FOXK1: variants seen among roughly 807,000 people sequenced by gnomAD.
The protein encoded by FOXK1 is forkhead box K1.
Under a neutral mutation model 51.9 loss-of-function variants are expected in FOXK1, and 19 were observed. The ratio of observed to expected loss-of-function variants is 0.37; its 90% confidence interval spans 0.26 to 0.54. The LOEUF (loss-of-function observed/expected upper bound fraction) is 0.54, where lower values mean the gene tolerates loss of function less well. Ranked by LOEUF, FOXK1 falls within the 20% of genes least tolerant of loss-of-function variation. The probability of loss-of-function intolerance (pLI) is 0.87; values close to 1 mark genes in which losing one functional copy is unlikely to be tolerated. For missense variants in FOXK1, 870 were observed against 1,032.7 expected (o/e 0.84, Z 2.16); for synonymous variants, 537 against 482.6 (o/e 1.11, Z -1.48).
At chr7:4,697,852 T>A (rs1411734587) in intron 1 of FOXK1, among the ~76,000 whole-genome samples, 2 of 151,474 alleles carry the variant, frequency 1.3e-5, no homozygotes, top group Non-Finnish European at 2.9e-5. Flanking sequence ...TGAGATGGAG[T>A]CTCGCTCTGT....
chr7:4,746,873 G>C (rs1243375351), intron 2 of FOXK1, among the ~76,000 whole-genome samples: 1 of 152,194 alleles, frequency 6.6e-6, no homozygotes, highest in Admixed American at 6.5e-5. Context: ...TTGTCTGCCT[G>C]TCCCTGTCCC....
In FOXK1 at chr7:4,735,557, CCTTT is replaced by C. The variant is rs1780541878; in HGVS notation, c.561-5278_561-5275del. On this transcript the variant is annotated intron_variant, in intron 1 of 8. Transcript: ENST00000328914. This position sits in a 1 kb window ranked among gnomAD's most constrained non-coding sequence, Gnocchi z 4.7. Reference sequence around the variant, plus strand: ...TCCAGCCCTAGGCAACCACTAAGCTCCTTTCTAAGTCGGGCAAGAATGTTCTGGA... The same window carrying C: ...TCCAGCCCTAGGCAACCACTAAGCTCCTAAGTCGGGCAAGAATGTTCTGGA... Among the ~76,000 whole-genome samples, 1 of 152,144 alleles carries C rather than the reference CCTTT, an allele frequency of 6.6e-6. No homozygotes were observed.
chr7:4,685,307 C>T (rs865929628), intron 1 of FOXK1, among the ~76,000 whole-genome samples: 18 of 149,924 alleles, frequency 1.2e-4, no homozygotes, highest in Non-Finnish European at 2.5e-4. Context: ...CTCTACCTCC[C>T]GGGTTCAAGA....
chr7:4,751,272 GGTAAT>G, intron 2 of FOXK1, among the ~76,000 whole-genome samples: 1 of 150,658 alleles, frequency 6.6e-6, no homozygotes, highest in East Asian at 2.0e-4. Flanking sequence ...ACCCTCCTCG[GGTAAT>G]CCCAAAAGCA....
At chr7:4,726,471 A>AG (rs1347358311) in intron 1 of FOXK1, among the ~76,000 whole-genome samples, 1 of 152,162 alleles carries the variant, frequency 6.6e-6, no homozygotes, top group Admixed American at 6.5e-5. Flanking sequence ...AATACAAAAA[A>AG]GTTAGCCGGG....
Position 4,761,872 on chromosome 7 carries a change from T to A in FOXK1, c.1922-312T>A, listed in dbSNP as rs950554285. On this transcript the variant is annotated intron_variant, in intron 8 of 8. Transcript: ENST00000328914. This position sits in a 1 kb window ranked among gnomAD's most constrained non-coding sequence, Gnocchi z 6.2. ...GCAGGGTACCAGGGCACCGGGCGCA[T>A]TGTCAGTGGGGTGGCTCAGGGCAGT... Among the ~76,000 whole-genome samples, 9 of 151,658 alleles carry A rather than the reference T, an allele frequency of 5.9e-5. No homozygotes were observed. The highest frequency in any genetic ancestry group is 1.2e-4 in the Non-Finnish European group (8 of 67,918).
chr7:4,757,355 C>T (rs1004729252), intron 5 of FOXK1, among the ~76,000 whole-genome samples, 168 bp downstream of exon 5: 4 of 152,012 alleles, frequency 2.6e-5, no homozygotes, highest in East Asian at 1.9e-4. Flanking sequence ...AAGGCCGGCG[C>T]GGTGGCTCAC....
At chr7:4,704,690 C>T (rs560625798) in intron 1 of FOXK1, among the ~76,000 whole-genome samples, 13 of 152,102 alleles carry the variant, frequency 8.5e-5, no homozygotes, top group African/African-American at 2.9e-4. Context: ...AGGCTGTGCT[C>T]GGATCACGGG....
chr7:4,718,902 G>T (rs1326009889), intron 1 of FOXK1, among the ~76,000 whole-genome samples: 1 of 151,744 alleles, frequency 6.6e-6, no homozygotes, highest in Non-Finnish European at 1.5e-5. Context: ...CTCCGCCTCC[G>T]GGGTTCAAGC....
rs553320172 is a variant in FOXK1 at position 4,706,987 on chromosome 7, A to C, written c.560+24119A>C. 4.6e-5 allele frequency among the ~76,000 whole-genome samples: 7 copies of C among 152,346 alleles called. No individual in the cohort carries two copies. In the East Asian group the frequency reaches 1.2e-3, roughly 25 times the overall value. On this transcript the variant is annotated intron_variant, in intron 1 of 8. Coordinates refer to ENST00000328914, the MANE Select transcript of FOXK1 (RefSeq NM_001037165.2). Reference sequence around the variant, plus strand: ...CACTTCCCTCTACCCTTGTGCAGGAAATAACTTACCTACTTCATGCCCTAA... The same window carrying C: ...CACTTCCCTCTACCCTTGTGCAGGACATAACTTACCTACTTCATGCCCTAA...
intron 1 of FOXK1, among the ~76,000 whole-genome samples, chr7:4,695,085 C>G (rs1167210622): frequency 6.6e-6 from 1 of 152,226 alleles, no homozygotes; most frequent in East Asian, 1.9e-4. Context: ...CCATGAGGCT[C>G]CAGAAGAAGG....
In FOXK1 at chr7:4,762,560, C is replaced by A; in HGVS notation, c.*96C>A. On this transcript the variant is annotated 3_prime_UTR_variant, in exon 9 of 9. Coordinates refer to ENST00000328914, the MANE Select transcript of FOXK1 (RefSeq NM_001037165.2). This position sits in a 1 kb window ranked among gnomAD's most constrained non-coding sequence, Gnocchi z 5.7. ...GGCCGCACCCACAGACGGAGGAGAA[C>A]AGCCCGCGGCGGCCTGTGGGCATCG... 7.7e-7 allele frequency: 1 copy of A among 1,297,522 alleles called. No individual in the cohort carries two copies. Among genetic ancestry groups the A allele is most frequent in the Non-Finnish European group, 1.0e-6 (1 of 963,480 alleles). The allele number at this position is 1,297,522 out of a possible 1,614,324, so 80.4% of individuals were successfully genotyped here.
At position 4,730,307 on chromosome 7, in the gene FOXK1, C is replaced by T. The variant is rs1244150861; in HGVS notation, c.561-10531C>T. ...CGGAGGGCCCAGAGCCGAGTACACTCGGCCAGGGTGAGTGATGGGCAGGCA... is the reference window on the plus strand; with the variant it reads ...CGGAGGGCCCAGAGCCGAGTACACTTGGCCAGGGTGAGTGATGGGCAGGCA... On this transcript the variant is annotated intron_variant, in intron 1 of 8. Transcript: ENST00000328914. The surrounding 1 kb of genome is among the most constrained non-coding windows in gnomAD (Gnocchi z 4.7). Among the ~76,000 whole-genome samples the T allele has an allele frequency of 2.0e-5, 3 of 152,216 alleles. No homozygotes were observed. The highest frequency in any genetic ancestry group is 2.9e-5 in the Non-Finnish European group (2 of 68,042).
intron 1 of FOXK1, among the ~76,000 whole-genome samples, chr7:4,739,251 G>A (rs1316153300): frequency 6.6e-6 from 1 of 152,114 alleles, no homozygotes; most frequent in Admixed American, 6.5e-5. Flanking sequence ...GAATGCCTTC[G>A]GGAACTCTGA....
intron 1 of FOXK1, among the ~76,000 whole-genome samples, chr7:4,728,210 T>C (rs960373690): frequency 5.3e-5 from 8 of 152,240 alleles, no homozygotes; most frequent in Non-Finnish European, 1.2e-4. Context: ...AAACGTTCTC[T>C]GATTCTTTGG....
At position 4,761,107 on chromosome 7, in the gene FOXK1, G is replaced by T; in HGVS notation, c.1740G>T (p.Ala580=). Residue 580 remains alanine (A), a synonymous_variant, in exon 8 of 9, where the codon GCG becomes GCT. Transcript: ENST00000328914. The surrounding 1 kb of genome is among the most constrained non-coding windows in gnomAD (Gnocchi z 6.2). ...CCATTGCGTTTGCCACAATCCCCGC[G>T]GCTGGTGGAGTCATCCAGACGGTGG... The part of the protein sequence containing the change: ...KPTIAFATIP[A]AGGVIQTVAS... The T allele has an allele frequency of 6.2e-7, 1 of 1,613,010 alleles. No individual in the cohort carries two copies. The highest frequency in any genetic ancestry group is 8.5e-7 in the Non-Finnish European group (1 of 1,179,992).
chr7:4,712,166 T>C (rs1780183436), intron 1 of FOXK1, among the ~76,000 whole-genome samples: 1 of 152,086 alleles, frequency 6.6e-6, no homozygotes, highest in South Asian at 2.1e-4. Flanking sequence ...CCAAGCATCG[T>C]TTCCCTTCCC....
At chr7:4,712,690 T>C (rs1317369440) in intron 1 of FOXK1, among the ~76,000 whole-genome samples, 1 of 152,160 alleles carries the variant, frequency 6.6e-6, no homozygotes, top group Non-Finnish European at 1.5e-5. Context: ...ACCTCAAGGG[T>C]TTCCGATCCT....
intron 1 of FOXK1, among the ~76,000 whole-genome samples, chr7:4,718,998 G>A (rs1012699763): frequency 6.6e-6 from 1 of 151,996 alleles, no homozygotes; most frequent in Non-Finnish European, 1.5e-5. Flanking sequence ...TAGTAGAGAC[G>A]GGGTTGCACC....
Sources: allele counts gnomAD v4.1 joint callset (sites outside exome capture counted in the v4.1 genomes callset), GRCh38; gene constraint gnomAD v4.1.1; non-coding constraint Gnocchi (gnomAD v3.1); transcripts MANE v1.5; gene names NCBI Gene and HGNC (gene_info 2026-07-23, HGNC 2026-07-21).